DNER: variants seen among roughly 807,000 people sequenced by gnomAD.
DNER encodes delta/notch like EGF repeat containing.
DNER carries 33 observed loss-of-function variants against 78.2 expected under a neutral mutation model. The ratio of observed to expected loss-of-function variants is 0.42; its 90% CI spans 0.32 to 0.56. The LOEUF is 0.56. Ranked by LOEUF, DNER falls within the 20% of genes least tolerant of loss-of-function variation. DNER has a pLI of 0.11. For synonymous variants in DNER, 417 were observed against 384.8 expected, an observed-to-expected ratio of 1.08 and a Z score of -0.98; for missense variants, 918 against 975.3, an observed-to-expected ratio of 0.94 and a Z score of 0.78.
At chr2:229,549,997 CT>C (rs542301504) in intron 4 of DNER, among the ~76,000 whole-genome samples, 9 of 151,332 alleles carry the variant, frequency 5.9e-5, no homozygotes, top group Non-Finnish European at 1.0e-4. Context: ...TAGTTCTATG[CT>C]TTTTTTTCTT....
chr2:229,378,782 A>G (rs1692667057), intron 11 of DNER, among the ~76,000 whole-genome samples: 1 of 152,178 alleles, frequency 6.6e-6, no homozygotes, highest in South Asian at 2.1e-4. Flanking sequence ...GCAGGACTAG[A>G]GGCCTCTTAC....
At chr2:229,691,333 T>C (rs1699567556) in intron 1 of DNER, among the ~76,000 whole-genome samples, 1 of 152,170 alleles carries the variant, frequency 6.6e-6, no homozygotes, top group South Asian at 2.1e-4. Flanking sequence ...CTTGCCAATA[T>C]AACAGAGTTT....
At chr2:229,644,798 T>C (rs564865706) in intron 1 of DNER, among the ~76,000 whole-genome samples, 12 of 152,300 alleles carry the variant, frequency 7.9e-5, no homozygotes, top group Admixed American at 2.6e-4. Context: ...ATGCTGAATT[T>C]ATGGCTCTAA....
rs540959519 is a variant in DNER, at chr2:229,591,562, A to G, written c.585+18T>C. The G allele has an allele frequency of 2.5e-6, 4 of 1,592,938 alleles. No homozygotes were observed. Among genetic ancestry groups the G allele is most frequent in the African/African-American group, 1.3e-5 (1 of 74,270 alleles). On this transcript the variant is annotated intron_variant, in intron 2 of 12. Transcript: ENST00000341772. This position sits in a 1 kb window ranked among gnomAD's most constrained non-coding sequence, Gnocchi z 4.6. ...TCTGGTTTCTAATGTAAAAATGCAC[A>G]TGATATAACGTTCTCACCTCCACTT...
chr2:229,374,473 T>C (rs926981969), intron 11 of DNER, among the ~76,000 whole-genome samples: 1 of 152,250 alleles, frequency 6.6e-6, no homozygotes, highest in African/African-American at 2.4e-5. Context: ...TTTTGATGTT[T>C]AGCTCATCAT....
chr2:229,435,631 C>A (rs185497987), intron 8 of DNER, among the ~76,000 whole-genome samples: 27 of 152,278 alleles, frequency 1.8e-4, no homozygotes, highest in African/African-American at 5.5e-4. Flanking sequence ...CCAGGTACTA[C>A]ATATTCCTTA....
chr2:229,473,127 G>A (rs1189541968), intron 7 of DNER, among the ~76,000 whole-genome samples: 1 of 152,212 alleles, frequency 6.6e-6, no homozygotes, highest in South Asian at 2.1e-4. Flanking sequence ...GATGTGTGCT[G>A]TCGAGAACTC....
intron 7 of DNER, among the ~76,000 whole-genome samples, chr2:229,463,176 G>A (rs554743659): frequency 4.6e-5 from 7 of 152,174 alleles, no homozygotes; most frequent in African/African-American, 1.7e-4. Context: ...TCACCATTGT[G>A]CCTTGGCATC....
chr2:229,675,323 C>T (rs755046657), intron 1 of DNER, among the ~76,000 whole-genome samples: 4 of 152,284 alleles, frequency 2.6e-5, no homozygotes, highest in South Asian at 2.1e-4. Flanking sequence ...CCATCTCATG[C>T]CTCCTTCTCA....
chr2:229,418,182 G>A lies in DNER; in HGVS notation c.1535C>T (p.Ala512Val). The A allele has an allele frequency of 6.2e-7, 1 of 1,614,156 alleles. No individual in the cohort carries two copies. Among genetic ancestry groups the A allele is most frequent in the Non-Finnish European group, 8.5e-7 (1 of 1,180,000 alleles). ...GCAGGTGGCTGCATTCAGGCATGGA[G>A]CGGAGAGGCACTCATTATATTCCTC... is the stretch of plus-strand genomic sequence containing the variant. ...CEEEYNECLS[A>V]PCLNAATCRD... The change falls in exon 9 of 13, where the codon GCT (alanine) becomes GTT (valine). Residue 512 changes from alanine to valine, a missense_variant. By Grantham distance (64) the Ala-to-Val change is moderately conservative (BLOSUM62 0). Transcript: ENST00000341772.
intron 1 of DNER, among the ~76,000 whole-genome samples, chr2:229,661,295 C>T (rs561761354): frequency 3.3e-5 from 5 of 152,242 alleles, no homozygotes; most frequent in African/African-American, 7.2e-5. Context: ...ATCTCCTGTA[C>T]ACCAGTCCCC....
At chr2:229,494,241 T>C (rs2154211778) in intron 6 of DNER, among the ~76,000 whole-genome samples, 1 of 152,260 alleles carries the variant, frequency 6.6e-6, no homozygotes, top group Non-Finnish European at 1.5e-5. Context: ...ATACCTAATA[T>C]CTAAAGTCCT....
intron 7 of DNER, among the ~76,000 whole-genome samples, chr2:229,450,220 A>G (rs1476954929): frequency 6.6e-6 from 1 of 152,254 alleles, no homozygotes; most frequent in South Asian, 2.1e-4. Flanking sequence ...AGAAGTGATC[A>G]TAGGAACTGT....
chr2:229,584,862 A>G (rs1345726580), intron 4 of DNER, among the ~76,000 whole-genome samples: 5 of 145,976 alleles, frequency 3.4e-5, no homozygotes. Flanking sequence ...TGAACCTGGG[A>G]GGCCAAGGTT....
intron 7 of DNER, among the ~76,000 whole-genome samples, chr2:229,461,769 T>G (rs1410572365): frequency 6.6e-6 from 1 of 151,960 alleles, no homozygotes; most frequent in African/African-American, 2.4e-5. Flanking sequence ...AGCCAAAAAG[T>G]GCAAGCAGAA....
chr2:229,386,625 GA>G (rs1056610714), intron 11 of DNER, among the ~76,000 whole-genome samples: 32 of 136,334 alleles, frequency 2.3e-4, no homozygotes, highest in African/African-American at 6.8e-4. Context: ...AAATTTACAA[GA>G]AAAAAAAAAC....
chr2:229,519,570 G>A (rs1696053335), intron 5 of DNER, among the ~76,000 whole-genome samples: 2 of 152,004 alleles, frequency 1.3e-5, no homozygotes, highest in African/African-American at 2.4e-5. Context: ...AAGAGGTCAG[G>A]AAAATTATGT....
intron 1 of DNER, among the ~76,000 whole-genome samples, chr2:229,638,213 G>C (rs1277858567): frequency 6.6e-6 from 1 of 152,154 alleles, no homozygotes; most frequent in Non-Finnish European, 1.5e-5. Flanking sequence ...ATATTTTATA[G>C]ACAGTCTAAA....
chr2:229,590,275 CA>C (rs369792041), intron 2 of DNER, among the ~76,000 whole-genome samples: 23 of 152,270 alleles, frequency 1.5e-4, no homozygotes, highest in African/African-American at 5.3e-4. Context: ...GAAGATAAAA[CA>C]GCCAAACTCA....
Sources: allele counts gnomAD v4.1 joint callset (sites outside exome capture counted in the v4.1 genomes callset), GRCh38; gene constraint gnomAD v4.1.1; non-coding constraint Gnocchi (gnomAD v3.1); transcripts MANE v1.5; gene names NCBI Gene and HGNC (gene_info 2026-07-23, HGNC 2026-07-21).